COL18A1: variants seen among roughly 807,000 people sequenced by gnomAD.
COL18A1 encodes the protein collagen type XVIII alpha 1 chain.
In COL18A1, 133 loss-of-function variants were observed where a neutral mutation model predicts 168.0. The observed-to-expected ratio is 0.79, with a 90% CI of 0.69 to 0.91. The LOEUF is 0.91. Among genes scored for constraint, COL18A1 ranks in the 40% least tolerant of loss-of-function variants. The pLI, the probability that COL18A1 is intolerant of heterozygous loss-of-function variation, is 0.00. For missense variants in COL18A1, 2,126 were observed against 1,925.4 expected (o/e 1.10, Z -1.95); for synonymous variants, 949 against 809.0 (o/e 1.17, Z -2.94).
At chr21:45,480,186 C>A (rs75859100) in intron 11 of COL18A1, 30 bp downstream of exon 11, 4 of 1,326,552 alleles carry the variant, frequency 3.0e-6, no homozygotes, top group Non-Finnish European at 4.3e-6. Flanking sequence ...TCCTGCGACC[C>A]GGGGTCTGCC....
intron 2 of COL18A1, chr21:45,421,412 C>T (rs537444627): frequency 2.3e-4 from 121 of 534,252 alleles, no homozygotes; most frequent in South Asian, 1.6e-3. Flanking sequence ...AGCCAGAGTC[C>T]GCCCGTGTGG....
intron 30 of COL18A1, 128 bp downstream of exon 30, chr21:45,496,696 G>A (rs1348071570): frequency 9.6e-6 from 7 of 728,716 alleles, no homozygotes; most frequent in Non-Finnish European, 1.8e-5. Flanking sequence ...TGCCAGTCTG[G>A]TGGGCAGTGG....
intron 4 of COL18A1, 104 bp from the exon 5 acceptor site, chr21:45,475,372 G>A (rs1602478520): frequency 3.9e-6 from 4 of 1,038,578 alleles, no homozygotes; most frequent in East Asian, 2.6e-5. Context: ...GCGAGAGGGG[G>A]CCTGGAGGAG....
At chr21:45,436,606 C>CG (rs1415686765) in intron 2 of COL18A1, among the ~76,000 whole-genome samples, 2 of 133,904 alleles carry the variant, frequency 1.5e-5, no homozygotes, top group East Asian at 2.5e-4. Context: ...GACTGGATGG[C>CG]GGGAAAGTGC....
chr21:45,490,972 G>A, intron 21 of COL18A1, 101 bp downstream of exon 21: 1 of 1,158,274 alleles, frequency 8.6e-7, no homozygotes, highest in South Asian at 1.3e-5. Context: ...CTGCCCATGT[G>A]ACCTCAGAGA....
At chr21:45,497,381 C>CA (rs1298495899) in intron 31 of COL18A1, among the ~76,000 whole-genome samples, 1 of 152,260 alleles carries the variant, frequency 6.6e-6, no homozygotes, top group African/African-American at 2.4e-5. Context: ...TGTTGGTCAG[C>CA]ACGTGCCCTG....
In COL18A1 at chr21:45,482,813, G is replaced by T; in HGVS notation, c.1693G>T (p.Gly565Ter). Residue 565 changes from glycine (G) to a stop codon, truncating the protein, a stop_gained, in exon 15 of 42, where the codon GGA becomes TGA. Transcript: ENST00000651438. LOFTEE classifies it high-confidence loss of function. ...CGTACAGGGTGAAGCAGGCGCCCCA[G>T]GACATAAGGTACAAGCAGAATCCCT... ...KGSLGEAGAP[G>*]HKGSKGAPGP... The T allele has an allele frequency of 6.2e-7, 1 of 1,614,188 alleles. No homozygotes were observed. Among genetic ancestry groups the T allele is most frequent in the Non-Finnish European group, 8.5e-7 (1 of 1,180,028 alleles).
At chr21:45,510,341 C>T (rs1369795525) in intron 40 of COL18A1, 80 bp downstream of exon 40, 13 of 1,441,100 alleles carry the variant, frequency 9.0e-6, no homozygotes, top group Non-Finnish European at 1.2e-5. Flanking sequence ...GGGGAGCTCC[C>T]CTCTAGGGCC....
Position 45,498,714 on chromosome 21 carries a change from G to A in COL18A1, c.2683+1053G>A, listed in dbSNP as rs1007104514. 25 of 636,076 alleles carry A rather than the reference G, an allele frequency of 3.9e-5. No homozygotes were observed. The highest frequency in any genetic ancestry group is 1.9e-4 in the Admixed American group (8 of 41,100). The allele number at this position is 636,076 out of a possible 1,614,324, so 39.4% of individuals were successfully genotyped here. A position where few individuals can be genotyped will look rare whatever the true frequency, so the allele number is the denominator to read the frequency against. On this transcript the variant is annotated intron_variant, in intron 32 of 41. Coordinates refer to ENST00000651438, the MANE Select transcript of COL18A1 (RefSeq NM_001379500.1). The surrounding 1 kb of genome is among the most constrained non-coding windows in gnomAD (Gnocchi z 4.5). ...TCACACACGACGCCCAGGAAGGAGTGAATGATGCACAGATGACCAGAAACC... is the reference window on the plus strand; with the variant it reads ...TCACACACGACGCCCAGGAAGGAGTAAATGATGCACAGATGACCAGAAACC...
intron 2 of COL18A1, among the ~76,000 whole-genome samples, chr21:45,466,321 C>T (rs1298617325): frequency 6.6e-6 from 1 of 152,204 alleles, no homozygotes; most frequent in East Asian, 1.9e-4. Context: ...TGTTAACACA[C>T]ACAGGCCTCC....
rs149986386 is a variant in COL18A1, at chr21:45,493,131, G to A, written c.2215-32G>A. On this transcript the variant is annotated intron_variant, in intron 24 of 41. Transcript: ENST00000651438. ...GTCGGGGATGGGGGAGATGCCAGCC[G>A]CTCGGGCCTCACGGCCTGGCCTCCA... The A allele has an allele frequency of 3.2e-4, 490 of 1,546,492 alleles. No individual in the cohort carries two copies. The African/African-American group carries it at 5.0e-3, about 16-fold the overall frequency.
At chr21:45,472,477 C>G (rs1211978216) in intron 3 of COL18A1, among the ~76,000 whole-genome samples, 2 of 152,202 alleles carry the variant, frequency 1.3e-5, no homozygotes, top group African/African-American at 4.8e-5. Flanking sequence ...TTCCAAAGTG[C>G]TGGGATTACA....
intron 32 of COL18A1, among the ~76,000 whole-genome samples, chr21:45,500,735 T>G (rs1602579600): frequency 4.7e-5 from 1 of 21,454 alleles, no homozygotes; most frequent in Non-Finnish European, 1.0e-4. Flanking sequence ...TGGTTTGGTG[T>G]GTTGGGTGTG....
At chr21:45,467,536 G>GTGC in intron 2 of COL18A1, 1 of 739,422 alleles carries the variant, frequency 1.4e-6, no homozygotes, top group Non-Finnish European at 1.7e-6. Context: ...GGCCCAGCAG[G>GTGC]TGAGCCGGTG....
Position 45,429,148 on chromosome 21 carries a change from G to A in COL18A1, c.106+23675G>A, listed in dbSNP as rs544463254. 2.5e-4 allele frequency among the ~76,000 whole-genome samples: 38 copies of A among 152,180 alleles called. 1 individual carries two copies. The South Asian group carries it at 3.7e-3, about 15-fold the overall frequency. The stretch of plus-strand genomic sequence containing the variant: ...GATCTTCCGACCTTGTGATCTGCCC[G>A]CCTCGGCCTCCCAAATTGTTGGGAT... On this transcript the variant is annotated intron_variant, in intron 2 of 41. Coordinates refer to ENST00000651438, the MANE Select transcript of COL18A1 (RefSeq NM_001379500.1).
Position 45,509,382 on chromosome 21 carries a change from C to T in COL18A1, c.3276C>T (p.Pro1092=). ...GTDNEVAALQ[P]PVVQLHDSNP... The stretch of plus-strand genomic sequence containing the variant: ...ACAATGAAGTGGCCGCCTTGCAGCC[C>T]CCCGTGGTGCAGCTGCACGACAGCA... Residue 1092 remains proline, a synonymous_variant, in exon 39 of 42, where the codon CCC becomes CCT. Coordinates refer to ENST00000651438, the MANE Select transcript of COL18A1 (RefSeq NM_001379500.1). 1.3e-6 allele frequency: 2 copies of T among 1,540,464 alleles called. No individual in the cohort carries two copies. Among genetic ancestry groups the T allele is most frequent in the Middle Eastern group, 2.0e-4 (1 of 5,044 alleles).
At chr21:45,417,295 C>T (rs954747726) in intron 2 of COL18A1, among the ~76,000 whole-genome samples, 3 of 152,208 alleles carry the variant, frequency 2.0e-5, no homozygotes, top group African/African-American at 2.4e-5. Flanking sequence ...TTAATGGATA[C>T]GAATGGCACC....
rs62214273 is a variant in COL18A1 at position 45,505,502 on chromosome 21, A to G, written c.3087+71A>G. The G allele has an allele frequency of 0.38, 317,632 of 830,356 alleles. 63,085 individuals carry two copies. The highest frequency in any genetic ancestry group is 0.49 in the African/African-American group (29,120 of 59,624). 51.4% of individuals were successfully genotyped at this position (830,356 alleles called of 1,614,324 possible). ...GCTGGTTCTGCAGCCCCTGCCCCTCAGAGACACTCTCCCACGGACCCCACA... is the reference window on the plus strand; with the variant it reads ...GCTGGTTCTGCAGCCCCTGCCCCTCGGAGACACTCTCCCACGGACCCCACA... On this transcript the variant is annotated intron_variant, in intron 36 of 41. Coordinates refer to ENST00000651438, the MANE Select transcript of COL18A1 (RefSeq NM_001379500.1).
At chr21:45,476,975 C>A (rs575270727) in intron 6 of COL18A1, among the ~76,000 whole-genome samples, 1 of 151,362 alleles carries the variant, frequency 6.6e-6, no homozygotes, top group Non-Finnish European at 1.5e-5. Context: ...TGCCGAGGCC[C>A]GGATGGTGGC....
Sources: gnomAD v4.1 joint callset for allele counts (sites outside exome capture counted in the v4.1 genomes callset) on GRCh38, gnomAD v4.1.1 for gene constraint, Gnocchi (gnomAD v3.1) non-coding constraint, MANE v1.5 for transcripts, NCBI Gene and HGNC (gene_info 2026-07-23, HGNC 2026-07-21) for gene names.